The following NAV3 variants were observed in gnomAD, a reference collection of about 807,000 sequenced individuals.
NAV3 encodes neuron navigator 3, also known as pore membrane and/or filament interacting like protein 1.
A neutral mutation model predicts 244.7 loss-of-function variants in NAV3; 87 were observed. The observed-to-expected ratio is 0.36, with a 90% CI of 0.30 to 0.42. The LOEUF is 0.42. Ranked by LOEUF, NAV3 falls within the 20% of genes least tolerant of loss-of-function variation. The pLI, the probability that NAV3 is intolerant of heterozygous loss-of-function variation, is 1.00. For synonymous variants in NAV3, 1,126 were observed against 1,042.2 expected, an observed-to-expected ratio of 1.08 and a Z score of -1.55; for missense variants, 2,663 against 2,893.3, an observed-to-expected ratio of 0.92 and a Z score of 1.83.
intron 3 of NAV3, among the ~76,000 whole-genome samples, chr12:77,963,986 TCCTCCTC>T (rs371789389): frequency 3.9e-3 from 478 of 122,592 alleles, no homozygotes; most frequent in Non-Finnish European, 6.4e-3. Context: ...TCCTCCTCCC[TCCTCCTC>T]CCTCCTCCCT....
intron 1 of NAV3, among the ~76,000 whole-genome samples, chr12:77,923,579 T>A (rs1196338886): frequency 2.6e-5 from 4 of 152,098 alleles, no homozygotes; most frequent in African/African-American, 7.2e-5. Flanking sequence ...TGTATATACC[T>A]CAAATGAGTA....
At chr12:77,931,402 T>C (rs199820708) in intron 1 of NAV3, among the ~76,000 whole-genome samples, 1 of 151,566 alleles carries the variant, frequency 6.6e-6, no homozygotes, top group East Asian at 1.9e-4. Flanking sequence ...TTCTCATTTC[T>C]AGGGTATTAA....
At chr12:77,688,280 G>A (rs920987039) in intron 2 of NAV3, among the ~76,000 whole-genome samples, 2 of 151,856 alleles carry the variant, frequency 1.3e-5, no homozygotes, top group Non-Finnish European at 2.9e-5. Context: ...TGATAAAGGG[G>A]ACACAGACAC....
chr12:78,120,013 T>C, intron 15 of NAV3, 68 bp downstream of exon 15: 3 of 1,163,850 alleles, frequency 2.6e-6, no homozygotes. Flanking sequence ...ATACATTACA[T>C]ATAAATGTGT....
chr12:78,176,571 T>G, intron 26 of NAV3, 112 bp downstream of exon 26: 1 of 950,906 alleles, frequency 1.1e-6, no homozygotes, highest in Non-Finnish European at 1.6e-6. Flanking sequence ...CAGATTACCT[T>G]GTATGTCTTT....
At chr12:78,061,217 C>T (rs1291359138) in intron 12 of NAV3, among the ~76,000 whole-genome samples, 1 of 152,116 alleles carries the variant, frequency 6.6e-6, no homozygotes, top group East Asian at 1.9e-4. Flanking sequence ...TAAGTTCAAG[C>T]ATCACTATAT....
intron 5 of NAV3, among the ~76,000 whole-genome samples, chr12:77,988,430 G>T (rs2136328478): frequency 6.6e-6 from 1 of 152,270 alleles, no homozygotes; most frequent in East Asian, 1.9e-4. Context: ...TGGCAGTTTG[G>T]ATCCTGCTGT....
chr12:77,669,444 G>A (rs1162048009), intron 2 of NAV3, among the ~76,000 whole-genome samples: 3 of 152,134 alleles, frequency 2.0e-5, no homozygotes, highest in African/African-American at 7.2e-5. Flanking sequence ...AGTTTCTGCT[G>A]TCTTCAGGAG....
chr12:77,809,862 T>C (rs1357657792), intron 2 of NAV3, among the ~76,000 whole-genome samples: 3 of 152,232 alleles, frequency 2.0e-5, no homozygotes, highest in African/African-American at 7.2e-5. Flanking sequence ...AGTTTGACCT[T>C]AGTGTTTGTC....
rs1477447481 is a variant in NAV3 at position 77,986,475 on chromosome 12, T to G, written c.672-8328T>G. Among the ~76,000 whole-genome samples, 6 of 152,170 alleles carry G rather than the reference T, an allele frequency of 3.9e-5. No homozygotes were observed. The South Asian group carries it at 8.3e-4, about 21-fold the overall frequency. On this transcript the variant is annotated intron_variant, in intron 5 of 39. Coordinates refer to ENST00000397909, the MANE Select transcript of NAV3 (RefSeq NM_001024383.2). ...CAAATACCAACTTCCTCAGCTGAGA[T>G]TTTTTGTAAGAAGCTTGATAGAATC...
Position 77,677,933 on chromosome 12 carries a change from A to T in NAV3, c.72+105667A>T, listed in dbSNP as rs74104978. 1.1e-3 allele frequency among the ~76,000 whole-genome samples: 163 copies of T among 152,006 alleles called. 1 individual carries two copies. The highest frequency in any genetic ancestry group is 3.5e-3 in the African/African-American group (145 of 41,502). On this transcript the variant is annotated intron_variant, in intron 2 of 8. Coordinates refer to the NAV3 transcript ENST00000550042. ...TGGTTAGTTTTCTTATAGTAAATAG[A>T]TTTTTTTTCACAGATTTATTAAAAT...
intron 1 of NAV3, among the ~76,000 whole-genome samples, chr12:77,908,421 C>T (rs1332247678): frequency 6.6e-6 from 1 of 151,900 alleles, no homozygotes; most frequent in Non-Finnish European, 1.5e-5. Context: ...AAAATGGTTT[C>T]CAAATGGGCA....
At chr12:78,188,389 T>A in intron 32 of NAV3, 46 bp downstream of exon 32, 1 of 1,473,788 alleles carries the variant, frequency 6.8e-7, no homozygotes, top group Non-Finnish European at 9.4e-7. Context: ...AATATGTTTC[T>A]CTTTAATTGT....
chr12:77,983,558 G>A (rs563014796), intron 5 of NAV3, among the ~76,000 whole-genome samples: 60 of 152,252 alleles, frequency 3.9e-4, no homozygotes, highest in African/African-American at 1.3e-3. Flanking sequence ...CGGAGCCTAG[G>A]AGAGAAGCCA....
intron 2 of NAV3, among the ~76,000 whole-genome samples, chr12:77,715,458 T>A (rs1351163219): frequency 6.6e-6 from 1 of 151,962 alleles, no homozygotes; most frequent in Non-Finnish European, 1.5e-5. Flanking sequence ...TTTATTTATA[T>A]ATACATACAC....
intron 3 of NAV3, among the ~76,000 whole-genome samples, chr12:77,960,450 T>TATATATATACACAC (rs1195862670): frequency 6.9e-6 from 1 of 144,354 alleles, no homozygotes; most frequent in African/African-American, 2.6e-5. Flanking sequence ...TATATATATA[T>TATATATATACACAC]ACACACACAC....
chr12:78,139,860 A>G (rs1230723091), intron 19 of NAV3, among the ~76,000 whole-genome samples: 1 of 152,196 alleles, frequency 6.6e-6, no homozygotes, highest in South Asian at 2.1e-4. Context: ...CTGAAATTAT[A>G]TGGAGAAAAA....
Position 78,044,722 on chromosome 12 carries a change from C to T in NAV3, c.2024-5271C>T, listed in dbSNP as rs150085810. 8.1e-3 allele frequency among the ~76,000 whole-genome samples: 1,234 copies of T among 152,224 alleles called. 13 individuals are homozygous for T. Among genetic ancestry groups the T allele is most frequent in the African/African-American group, 0.028 (1,166 of 41,536 alleles). On this transcript the variant is annotated intron_variant, in intron 9 of 39. Coordinates refer to ENST00000397909, the MANE Select transcript of NAV3 (RefSeq NM_001024383.2). ...GAATGGGAGTTTATTCATGATTTGG[C>T]TCTCTGTTTGTCTGTTATTGGTGTA...
intron 2 of NAV3, among the ~76,000 whole-genome samples, chr12:77,710,883 C>A (rs898249103): frequency 2.6e-5 from 4 of 151,990 alleles, no homozygotes; most frequent in African/African-American, 4.8e-5. Flanking sequence ...CTTTTTTTGG[C>A]AGCTACTTTT....
Sources: gnomAD v4.1 joint callset for allele counts (sites outside exome capture counted in the v4.1 genomes callset) on GRCh38, gnomAD v4.1.1 for gene constraint, MANE v1.5 for transcripts, NCBI Gene and HGNC (gene_info 2026-07-23, HGNC 2026-07-21) for gene names.